Variants in KIRREL3 observed in about 807,000 individuals in gnomAD.
KIRREL3 encodes the protein kin of IRRE-like protein 3.
KIRREL3 carries 36 observed loss-of-function variants against 89.7 expected under a neutral mutation model. The ratio of observed to expected loss-of-function variants is 0.40; its 90% CI spans 0.31 to 0.53. The LOEUF (loss-of-function observed/expected upper bound fraction) is 0.53, where lower values mean the gene tolerates loss of function less well. KIRREL3 is among the 20% of genes least tolerant of loss of function. The pLI, the probability that KIRREL3 is intolerant of heterozygous loss-of-function variation, is 0.49. For missense variants in KIRREL3, 864 were observed against 1,056.6 expected, an observed-to-expected ratio of 0.82 and a Z score of 2.53; for synonymous variants, 445 against 441.4, an observed-to-expected ratio of 1.01 and a Z score of -0.10.
chr11:126,467,590 G>A (rs968110407), intron 5 of KIRREL3, among the ~76,000 whole-genome samples: 2 of 151,848 alleles, frequency 1.3e-5, no homozygotes, highest in South Asian at 2.1e-4. Context: ...AGGCCGCCTC[G>A]CTTCTCCCCG....
At chr11:126,440,370 G>A in intron 11 of KIRREL3, 79 bp downstream of exon 11, 3 of 1,276,640 alleles carry the variant, frequency 2.3e-6, no homozygotes, top group Non-Finnish European at 3.3e-6. Flanking sequence ...TGCACCGCCT[G>A]GCTGGCCACC....
intron 9 of KIRREL3, among the ~76,000 whole-genome samples, chr11:126,446,146 C>T (rs1396674777): frequency 4.2e-5 from 2 of 47,156 alleles, no homozygotes; most frequent in Admixed American, 2.7e-4. Flanking sequence ...AAAACTCCAT[C>T]TCAAAAAAAA....
rs1945543046 is a variant in KIRREL3 at position 126,664,093 on chromosome 11, G to A, written c.56-101181C>T. On this transcript the variant is annotated intron_variant, in intron 1 of 16. Transcript: ENST00000525144. This position sits in a 1 kb window ranked among gnomAD's most constrained non-coding sequence, Gnocchi z 5.4. ...GAATTCTGCATGGCAACCTAATAGA[G>A]GCTTAGCTTTTCATTAAAATTTCCA... Among the ~76,000 whole-genome samples the A allele has an allele frequency of 6.6e-6, 1 of 152,194 alleles. No homozygotes were observed. The highest frequency in any genetic ancestry group is 2.4e-5 in the African/African-American group (1 of 41,456).
rs543587268 is a variant in KIRREL3, at chr11:126,551,227, G to T, written c.133+11608C>A. Among the ~76,000 whole-genome samples, 3 of 152,134 alleles carry T rather than the reference G, an allele frequency of 2.0e-5. No homozygotes were observed. The highest frequency in any genetic ancestry group is 4.4e-5 in the Non-Finnish European group (3 of 68,024). On this transcript the variant is annotated intron_variant, in intron 2 of 16. Transcript: ENST00000525144. This position sits in a 1 kb window ranked among gnomAD's most constrained non-coding sequence, Gnocchi z 4.9. ...GAAGCTCCCGAAACTCAGTCCTTTT[G>T]GGTTTTCATGGAAGCATTCCTTCCC...
chr11:126,543,615 C>T (rs1235983450), intron 2 of KIRREL3, among the ~76,000 whole-genome samples: 2 of 152,110 alleles, frequency 1.3e-5, no homozygotes, highest in Non-Finnish European at 2.9e-5. Flanking sequence ...CCCCTACCTG[C>T]CCCCAGCTGA....
In KIRREL3 at chr11:126,734,389, C is replaced by G. The variant is rs114133798; in HGVS notation, c.56-171477G>C. On this transcript the variant is annotated intron_variant, in intron 1 of 16. Coordinates refer to ENST00000525144, the MANE Select transcript of KIRREL3 (RefSeq NM_032531.4). The surrounding 1 kb of genome is among the most constrained non-coding windows in gnomAD (Gnocchi z 5.9). ...TTTACTTAAGAAATATTTGGCCAGG[C>G]GCGGTGGCTCATGCATGTAATCCCA... 6.6e-6 allele frequency among the ~76,000 whole-genome samples: 1 copy of G among 152,108 alleles called. No homozygotes were observed. The highest frequency in any genetic ancestry group is 2.4e-5 in the African/African-American group (1 of 41,404).
chr11:126,836,726 C>G (rs1055603518), intron 1 of KIRREL3, among the ~76,000 whole-genome samples: 1 of 152,140 alleles, frequency 6.6e-6, no homozygotes. Flanking sequence ...TCCTAGTGCA[C>G]AAGGTGGACG....
At chr11:126,988,822 C>T (rs754789008) in intron 1 of KIRREL3, among the ~76,000 whole-genome samples, 31 of 152,298 alleles carry the variant, frequency 2.0e-4, no homozygotes, top group Middle Eastern at 3.4e-3. Context: ...ACCATCTCCC[C>T]GTGGCTGGTC....
At chr11:126,648,570 A>C (rs1286259840) in intron 1 of KIRREL3, among the ~76,000 whole-genome samples, 1 of 152,072 alleles carries the variant, frequency 6.6e-6, no homozygotes, top group African/African-American at 2.4e-5. Context: ...ATTCATCTTT[A>C]TTTGTTCATT....
intron 1 of KIRREL3, among the ~76,000 whole-genome samples, chr11:126,825,425 CCTT>C (rs1454969004): frequency 2.0e-5 from 3 of 152,216 alleles, no homozygotes; most frequent in East Asian, 3.9e-4. Flanking sequence ...TGGTAATGTG[CCTT>C]CTTCTTTATT....
rs146566693 is a variant in KIRREL3, at chr11:126,947,992, CAG to C, written c.55+52461_55+52462del. ...GTGTTGGGCTCCTTAGGCGTTAACT[CAG>C]ATATCCCAATTGCTGCTTGGCTACC... On this transcript the variant is annotated intron_variant, in intron 1 of 16. Coordinates refer to ENST00000525144, the MANE Select transcript of KIRREL3 (RefSeq NM_032531.4). Among the ~76,000 whole-genome samples the C allele has an allele frequency of 4.5e-3, 692 of 152,286 alleles. 4 individuals carry two copies. The highest frequency in any genetic ancestry group is 0.016 in the African/African-American group (649 of 41,558).
In KIRREL3 at chr11:126,647,400, T is replaced by C. The variant is rs543704340; in HGVS notation, c.56-84488A>G. ...CAGCCCCAGGAGGGAGACTGAGATA[T>C]ATGAGGTATACCCCTTTCCCTCTAA... On this transcript the variant is annotated intron_variant, in intron 1 of 16. Transcript: ENST00000525144. The surrounding 1 kb of genome is among the most constrained non-coding windows in gnomAD (Gnocchi z 4.9). 1.3e-5 allele frequency among the ~76,000 whole-genome samples: 2 copies of C among 152,322 alleles called. No homozygotes were observed. Among genetic ancestry groups the C allele is most frequent in the Admixed American group, 6.5e-5 (1 of 15,300 alleles).
rs938727211 is a variant in KIRREL3, at chr11:126,890,741, T to C, written c.55+109714A>G. On this transcript the variant is annotated intron_variant, in intron 1 of 16. Coordinates refer to ENST00000525144, the MANE Select transcript of KIRREL3 (RefSeq NM_032531.4). The surrounding 1 kb of genome is among the most constrained non-coding windows in gnomAD (Gnocchi z 5.1). Reference sequence around the variant, plus strand: ...GAAGCCACTAGGGTGAGTGAGAGAGTAGACGACTGCAAACATGAGCGTCCC... The same window carrying C: ...GAAGCCACTAGGGTGAGTGAGAGAGCAGACGACTGCAAACATGAGCGTCCC... Among the ~76,000 whole-genome samples, 4 of 152,230 alleles carry C rather than the reference T, an allele frequency of 2.6e-5. No homozygotes were observed. Among genetic ancestry groups the C allele is most frequent in the Admixed American group, 2.6e-4 (4 of 15,298 alleles).
chr11:126,556,303 G>A (rs1349569434), intron 2 of KIRREL3, among the ~76,000 whole-genome samples: 1 of 152,054 alleles, frequency 6.6e-6, no homozygotes, highest in Admixed American at 6.6e-5. Flanking sequence ...ACATCCCTAG[G>A]ACTTGCTGAG....
rs1947082364 is a variant in KIRREL3 at position 126,917,385 on chromosome 11, G to T, written c.55+83070C>A. Among the ~76,000 whole-genome samples, 2 of 152,094 alleles carry T rather than the reference G, an allele frequency of 1.3e-5. No homozygotes were observed. Among genetic ancestry groups the T allele is most frequent in the Admixed American group, 1.3e-4 (2 of 15,270 alleles). On this transcript the variant is annotated intron_variant, in intron 1 of 16. Coordinates refer to ENST00000525144, the MANE Select transcript of KIRREL3 (RefSeq NM_032531.4). The surrounding 1 kb of genome is among the most constrained non-coding windows in gnomAD (Gnocchi z 5.0). ...GTTCTGGAAATAAATAGTGGTGATGGTTGCACAACATTGTCAATATAGTTA... is the reference window on the plus strand; with the variant it reads ...GTTCTGGAAATAAATAGTGGTGATGTTTGCACAACATTGTCAATATAGTTA...
In KIRREL3 at chr11:126,570,080, A is replaced by G. The variant is rs539306556; in HGVS notation, c.56-7168T>C. Among the ~76,000 whole-genome samples the G allele has an allele frequency of 3.3e-5, 5 of 152,302 alleles. No individual in the cohort carries two copies. The East Asian group carries it at 9.7e-4, about 29-fold the overall frequency. ...GACTGAAGAGTGGAGTAGCAAAGGT[A>G]TATTAATCCTGACTAGTGCCTGGCC... On this transcript the variant is annotated intron_variant, in intron 1 of 16. Coordinates refer to ENST00000525144, the MANE Select transcript of KIRREL3 (RefSeq NM_032531.4). The surrounding 1 kb of genome is among the most constrained non-coding windows in gnomAD (Gnocchi z 6.1).
intron 1 of KIRREL3, among the ~76,000 whole-genome samples, chr11:126,720,316 C>T (rs1432213177): frequency 6.6e-6 from 1 of 152,200 alleles, no homozygotes; most frequent in African/African-American, 2.4e-5. Flanking sequence ...CAGTCCTTGC[C>T]TGTCCCACCA....
chr11:126,550,709 C>G lies in KIRREL3; in HGVS notation c.133+12126G>C, dbSNP rs1276080140. 1 of 152,012 alleles carries G rather than the reference C, an allele frequency of 6.6e-6. No individual in the cohort carries two copies. Among genetic ancestry groups the G allele is most frequent in the East Asian group, 1.9e-4 (1 of 5,178 alleles). The allele number at this position is 152,012 out of a possible 1,614,324, so 9.4% of individuals were successfully genotyped here. Reference sequence around the variant, plus strand: ...GCAATGATAAAAGGAAAACCAGAACCAAAACAGCCACAAAAACAGCTGGGT... The same window carrying G: ...GCAATGATAAAAGGAAAACCAGAACGAAAACAGCCACAAAAACAGCTGGGT... On this transcript the variant is annotated intron_variant, in intron 2 of 16. Transcript: ENST00000525144. This position sits in a 1 kb window ranked among gnomAD's most constrained non-coding sequence, Gnocchi z 4.9.
chr11:126,910,432 A>G (rs892258051), intron 1 of KIRREL3, among the ~76,000 whole-genome samples: 1 of 152,154 alleles, frequency 6.6e-6, no homozygotes, highest in Non-Finnish European at 1.5e-5. Context: ...AGTTGTCTGT[A>G]TGAGCCAAGA....
Sources: gnomAD v4.1 joint callset for allele counts (sites outside exome capture counted in the v4.1 genomes callset) on GRCh38, gnomAD v4.1.1 for gene constraint, Gnocchi (gnomAD v3.1) non-coding constraint, MANE v1.5 for transcripts, NCBI Gene and HGNC (gene_info 2026-07-23, HGNC 2026-07-21) for gene names.